Variants in TFB1M observed in about 807,000 individuals in gnomAD.
TFB1M encodes dimethyladenosine transferase 1, mitochondrial.
In TFB1M, 27 loss-of-function variants were observed where a neutral mutation model predicts 31.1. That is an observed-to-expected ratio of 0.87 (90% CI 0.64 to 1.20). The LOEUF (loss-of-function observed/expected upper bound fraction) is 1.20. Ranked by LOEUF, TFB1M falls within the 50% of genes most tolerant of loss-of-function variation. TFB1M has a pLI of 0.00. For missense variants in TFB1M, 394 were observed against 418.7 expected (o/e 0.94, Z 0.51); for synonymous variants, 166 against 151.8 (o/e 1.09, Z -0.69).
chr6:155,278,494 C>G (rs1283982427), intron 5 of TFB1M, among the ~76,000 whole-genome samples: 2 of 152,224 alleles, frequency 1.3e-5, no homozygotes, highest in African/African-American at 4.8e-5. Context: ...GCTCTGCATT[C>G]TCAGTGACAT....
the TFB1M span, chr6:155,251,132 T>A: frequency 1.1e-6 from 1 of 920,790 alleles, no homozygotes; most frequent in Non-Finnish European, 1.7e-6. Flanking sequence ...TCAGAATTGC[T>A]ATAATGGTTG....
At chr6:155,250,771 G>T in the TFB1M span, 1 of 1,116,448 alleles carries the variant, frequency 9.0e-7, no homozygotes, top group Admixed American at 2.1e-5. Flanking sequence ...CACCGTTTAA[G>T]GCCCCATGTT....
At chr6:155,302,944 C>T (rs932755026) in intron 2 of TFB1M, among the ~76,000 whole-genome samples, 1 of 152,046 alleles carries the variant, frequency 6.6e-6, no homozygotes, top group African/African-American at 2.4e-5. Context: ...GGAAAAGTGC[C>T]AAGCAAAAGG....
At chr6:155,258,144 A>ACTT (rs1784202256) in intron 6 of TFB1M, 62 bp from the exon 7 acceptor site, 8 of 1,587,394 alleles carry the variant, frequency 5.0e-6, no homozygotes, top group South Asian at 4.4e-5. Flanking sequence ...AAATCATGAC[A>ACTT]CTTTTTAACC....
chr6:155,259,862 T>A (rs1784312967), intron 6 of TFB1M, among the ~76,000 whole-genome samples: 1 of 152,200 alleles, frequency 6.6e-6, no homozygotes, highest in African/African-American at 2.4e-5. Flanking sequence ...ACGTGAGGAC[T>A]TCGTGATATG....
the TFB1M span, among the ~76,000 whole-genome samples, chr6:155,240,953 T>C: frequency 2.0e-5 from 3 of 152,228 alleles, no homozygotes; most frequent in Non-Finnish European, 2.9e-5. Flanking sequence ...GCTTTCACTA[T>C]GGAAACAGAT....
At position 155,260,254 on chromosome 6, in the gene TFB1M, G is replaced by C. The variant is rs113353705; in HGVS notation, c.794+19C>G. On this transcript the variant is annotated intron_variant, in intron 6 of 6. Transcript: ENST00000367166. ...ATTTTATAAAGACTGCAACTGAAGA[G>C]AAGAAAAGGCATTCTTACCTGAGCC... The C allele has an allele frequency of 1.5e-3, 2,452 of 1,613,880 alleles. 28 individuals carry two copies. The African/African-American group carries it at 0.028, about 19-fold the overall frequency.
chr6:155,247,968 T>A, the TFB1M span: 1 of 1,601,370 alleles, frequency 6.2e-7, no homozygotes, highest in Admixed American at 1.7e-5. Context: ...CCCACTGTGC[T>A]CTTCTGAGGT....
the TFB1M span, among the ~76,000 whole-genome samples, chr6:155,242,914 CT>C: frequency 0.4 from 50,264 of 126,358 alleles, 9,246 homozygotes; most frequent in Middle Eastern, 0.56. Flanking sequence ...TTTTTTTTTT[CT>C]TTTTTTTAGT....
chr6:155,277,963 T>C (rs1388038187), intron 5 of TFB1M, among the ~76,000 whole-genome samples: 1 of 152,242 alleles, frequency 6.6e-6, no homozygotes, highest in Non-Finnish European at 1.5e-5. Context: ...TATCATTCTA[T>C]ATATACTTCA....
chr6:155,244,490 T>C, the TFB1M span, among the ~76,000 whole-genome samples: 8 of 152,250 alleles, frequency 5.3e-5, no homozygotes, highest in African/African-American at 1.7e-4. Flanking sequence ...AAACTTTCTA[T>C]GTATAAGCCA....
At chr6:155,231,092 T>C in the TFB1M span, among the ~76,000 whole-genome samples, 9 of 152,154 alleles carry the variant, frequency 5.9e-5, no homozygotes, top group African/African-American at 1.9e-4. Flanking sequence ...TCCGCCCACC[T>C]TGGCCTCCCA....
chr6:155,290,684 T>C (rs1776880654), intron 4 of TFB1M, among the ~76,000 whole-genome samples: 1 of 152,162 alleles, frequency 6.6e-6, no homozygotes, highest in South Asian at 2.1e-4. Context: ...ACTCCACCTC[T>C]TCTTAAGCCT....
chr6:155,245,569 C>T, the TFB1M span: 32 of 1,434,492 alleles, frequency 2.2e-5, no homozygotes, highest in Non-Finnish European at 3.0e-5. Context: ...TGCCATAAGC[C>T]AGCACGCATT....
the TFB1M span, among the ~76,000 whole-genome samples, chr6:155,247,036 A>C: frequency 1.3e-5 from 2 of 152,230 alleles, no homozygotes; most frequent in African/African-American, 4.8e-5. Flanking sequence ...GGCAGTTTTC[A>C]CTGCCAGAGA....
chr6:155,282,859 C>G (rs922126679), intron 5 of TFB1M, among the ~76,000 whole-genome samples: 7 of 151,872 alleles, frequency 4.6e-5, no homozygotes, highest in Non-Finnish European at 8.8e-5. Context: ...TCCTGAGTAG[C>G]TGGGACTTGA....
At chr6:155,296,222 C>T (rs112459571) in intron 4 of TFB1M, among the ~76,000 whole-genome samples, 1,852 of 152,018 alleles carry the variant, frequency 0.012, 33 homozygotes, top group Non-Finnish European at 0.015. Context: ...GACCCTCAAT[C>T]CCCTTCTCTT....
chr6:155,303,931 T>G (rs1034372361), intron 2 of TFB1M, among the ~76,000 whole-genome samples: 2 of 152,158 alleles, frequency 1.3e-5, no homozygotes, highest in Non-Finnish European at 2.9e-5. Flanking sequence ...AGGTGGCATA[T>G]CTGAGATTTG....
Position 155,260,337 on chromosome 6 carries a change from G to C in TFB1M, c.730C>G (p.Leu244Val). The change falls in exon 6 of 7, where the codon CTG becomes GTG. Residue 244 changes from leucine to valine, a missense_variant. Coordinates refer to ENST00000367166, the MANE Select transcript of TFB1M (RefSeq NM_016020.4). ...ACATTCTGAACCACTTTTTCCACCA[G>C]CTTGAATGGCTGCTCTATCTTGGGC... ...IQPKIEQPFKLVEKVVQNVFQ... is the reference protein window; with the variant it reads ...IQPKIEQPFKVVEKVVQNVFQ... 1 of 1,614,184 alleles carries C rather than the reference G, an allele frequency of 6.2e-7. No individual in the cohort carries two copies. The highest frequency in any genetic ancestry group is 8.5e-7 in the Non-Finnish European group (1 of 1,180,010).
Sources: allele counts gnomAD v4.1 joint callset (sites outside exome capture counted in the v4.1 genomes callset), GRCh38; gene constraint gnomAD v4.1.1; transcripts MANE v1.5; gene names NCBI Gene and HGNC (gene_info 2026-07-23, HGNC 2026-07-21).